The following EYS variants were observed in gnomAD, a reference collection of about 807,000 sequenced individuals.
EYS encodes the protein protein eyes shut homolog.
In EYS, 250 loss-of-function variants were observed where a neutral mutation model predicts 282.1. The observed-to-expected ratio is 0.89, with a 90% CI of 0.80 to 0.98. The LOEUF (loss-of-function observed/expected upper bound fraction) is 0.98. Ranked by LOEUF, EYS falls within the 50% of genes least tolerant of loss-of-function variation. The pLI is 0.00. For missense variants in EYS, 4,016 were observed against 3,709.0 expected (o/e 1.08, Z -2.15); for synonymous variants, 1,355 against 1,282.9 (o/e 1.06, Z -1.20).
chr6:64,292,455 G>A (rs1768748273), intron 30 of EYS, among the ~76,000 whole-genome samples: 1 of 152,078 alleles, frequency 6.6e-6, no homozygotes, highest in South Asian at 2.1e-4. Flanking sequence ...AGAGAGCTAG[G>A]GGTTAAGGGT....
intron 19 of EYS, among the ~76,000 whole-genome samples, chr6:64,842,415 C>A (rs527297421): frequency 1.7e-4 from 26 of 151,736 alleles, no homozygotes; most frequent in African/African-American, 6.3e-4. Context: ...TGGGAGGTAC[C>A]AGTAGAGTGG....
At chr6:64,195,294 T>C (rs912920329) in intron 31 of EYS, among the ~76,000 whole-genome samples, 1 of 152,222 alleles carries the variant, frequency 6.6e-6, no homozygotes, top group African/African-American at 2.4e-5. Flanking sequence ...TGGCTTTCCA[T>C]TGTTTCTTTT....
At chr6:64,384,874 C>T (rs1269204738) in intron 29 of EYS, among the ~76,000 whole-genome samples, 1 of 152,092 alleles carries the variant, frequency 6.6e-6, no homozygotes, top group African/African-American at 2.4e-5. Flanking sequence ...CATTAAACAA[C>T]CTGTCAGCAC....
intron 11 of EYS, among the ~76,000 whole-genome samples, chr6:65,316,069 C>CT (rs2150301649): frequency 6.6e-6 from 1 of 152,230 alleles, no homozygotes; most frequent in Admixed American, 6.5e-5. Context: ...GTATTTCCTT[C>CT]TTTTTTCTAT....
intron 33 of EYS, among the ~76,000 whole-genome samples, chr6:64,023,973 G>T (rs879388161): frequency 6.6e-6 from 1 of 152,188 alleles, no homozygotes; most frequent in Non-Finnish European, 1.5e-5. Flanking sequence ...GCCTTCCCGC[G>T]GGGCAGGGCT....
At chr6:65,119,901 G>A (rs1384520150) in intron 12 of EYS, among the ~76,000 whole-genome samples, 1 of 150,600 alleles carries the variant, frequency 6.6e-6, no homozygotes, top group East Asian at 2.0e-4. Context: ...ACTTTGGGAG[G>A]CCGAGGTGGG....
At chr6:65,370,038 T>C (rs1765076603) in intron 8 of EYS, among the ~76,000 whole-genome samples, 1 of 151,608 alleles carries the variant, frequency 6.6e-6, no homozygotes, top group South Asian at 2.1e-4. Flanking sequence ...CAGATTAAAA[T>C]GTAATTGGTA....
chr6:65,101,201 T>A (rs969531951), intron 12 of EYS, among the ~76,000 whole-genome samples: 1 of 151,084 alleles, frequency 6.6e-6, no homozygotes, highest in Non-Finnish European at 1.5e-5. Context: ...TTGAGAACCG[T>A]TCAAGTAAGC....
chr6:65,508,873 C>T (rs575158291), intron 2 of EYS, among the ~76,000 whole-genome samples: 53 of 152,192 alleles, frequency 3.5e-4, no homozygotes, highest in African/African-American at 1.2e-3. Flanking sequence ...TTCCCCTCCC[C>T]ACTCCCTGGA....
intron 31 of EYS, among the ~76,000 whole-genome samples, chr6:64,120,381 A>T: frequency 6.7e-6 from 1 of 149,982 alleles, no homozygotes; most frequent in Non-Finnish European, 1.5e-5. Flanking sequence ...AAAAAAAAAA[A>T]AGAAAAACTT....
intron 2 of EYS, among the ~76,000 whole-genome samples, chr6:65,599,881 T>C (rs1765554348): frequency 6.6e-6 from 1 of 152,062 alleles, no homozygotes; most frequent in South Asian, 2.1e-4. Context: ...GAGTGCTATG[T>C]CCTCAGATTT....
At chr6:65,140,825 TAA>T (rs1299782728) in intron 12 of EYS, among the ~76,000 whole-genome samples, 2 of 149,414 alleles carry the variant, frequency 1.3e-5, no homozygotes, top group African/African-American at 4.9e-5. Context: ...TGGCAATCAT[TAA>T]AAAGTCAGGA....
chr6:65,178,544 C>T (rs1357799995), intron 12 of EYS, among the ~76,000 whole-genome samples: 1 of 151,970 alleles, frequency 6.6e-6, no homozygotes, highest in Non-Finnish European at 1.5e-5. Context: ...AATACAGGAG[C>T]ACCCAGATTC....
intron 31 of EYS, among the ~76,000 whole-genome samples, chr6:64,210,334 T>G (rs1765726558): frequency 6.6e-6 from 1 of 152,146 alleles, no homozygotes; most frequent in Admixed American, 6.6e-5. Flanking sequence ...AAGATCAAGG[T>G]GTTGGCAGCC....
chr6:64,300,473 T>A (rs1769195208), intron 30 of EYS, among the ~76,000 whole-genome samples: 1 of 152,152 alleles, frequency 6.6e-6, no homozygotes, highest in East Asian at 1.9e-4. Context: ...TAATGGCCAC[T>A]GTTGTTATTT....
chr6:64,825,714 T>C (rs1765034446), intron 19 of EYS, among the ~76,000 whole-genome samples: 2 of 151,838 alleles, frequency 1.3e-5, no homozygotes, highest in Admixed American at 1.3e-4. Flanking sequence ...CCTCTGCTTT[T>C]TCCCACCTTC....
intron 1 of EYS, among the ~76,000 whole-genome samples, chr6:65,670,325 G>T (rs955194189): frequency 7.2e-5 from 11 of 152,004 alleles, no homozygotes; most frequent in African/African-American, 2.2e-4. Context: ...GGACCTTTTG[G>T]TTTCCCTTAT....
At position 64,475,507 on chromosome 6, in the gene EYS, C is replaced by T. The variant is rs1486309981; in HGVS notation, c.5645-36155G>A. 4.5e-5 allele frequency among the ~76,000 whole-genome samples: 3 copies of T among 66,996 alleles called. 1 individual carries two copies. The highest frequency in any genetic ancestry group is 3.0e-4 in the Admixed American group (2 of 6,724). The allele number at this position is 66,996 out of a possible 152,430, so 44.0% of individuals were successfully genotyped here. ...CGGAGCTTGCAGTGAGCCGAGATCCCGCCACTGCACTCCAGCCTGGGCGAC... is the reference window on the plus strand; with the variant it reads ...CGGAGCTTGCAGTGAGCCGAGATCCTGCCACTGCACTCCAGCCTGGGCGAC... On this transcript the variant is annotated intron_variant, in intron 26 of 42. Coordinates refer to ENST00000503581, the MANE Select transcript of EYS (RefSeq NM_001142800.2).
intron 10 of EYS, among the ~76,000 whole-genome samples, chr6:65,340,183 C>A (rs1770146048): frequency 6.6e-6 from 1 of 151,122 alleles, no homozygotes; most frequent in Admixed American, 6.6e-5. Context: ...GCTCCATGGA[C>A]TCTTCTACTT....
Sources: gnomAD v4.1 joint callset for allele counts (sites outside exome capture counted in the v4.1 genomes callset) on GRCh38, gnomAD v4.1.1 for gene constraint, MANE v1.5 for transcripts, NCBI Gene and HGNC (gene_info 2026-07-23, HGNC 2026-07-21) for gene names.